CD2AP: variants seen among roughly 807,000 people sequenced by gnomAD.
CD2AP encodes CD2 associated protein, also known as CD2-associated protein.
In CD2AP, 46 loss-of-function variants were observed where a neutral mutation model predicts 85.1. That is an observed-to-expected ratio of 0.54 (90% CI 0.43 to 0.69). The LOEUF is 0.69. Ranked by LOEUF, CD2AP falls within the 30% of genes least tolerant of loss-of-function variation. The pLI is 0.00. For synonymous variants in CD2AP, 255 were observed against 252.9 expected (o/e 1.01, Z -0.08); for missense variants, 769 against 729.5 (o/e 1.05, Z -0.62).
intron 11 of CD2AP, among the ~76,000 whole-genome samples, chr6:47,588,596 A>T (rs1768692584): frequency 6.6e-6 from 1 of 152,138 alleles, no homozygotes; most frequent in Non-Finnish European, 1.5e-5. Context: ...GAAAATCCTT[A>T]TTGAAACTGA....
At chr6:47,610,700 T>G (rs2114151536) in intron 16 of CD2AP, among the ~76,000 whole-genome samples, 1 of 151,726 alleles carries the variant, frequency 6.6e-6, no homozygotes, top group South Asian at 2.1e-4. Flanking sequence ...TACATGATGG[T>G]ATTTCTTGGA....
intron 11 of CD2AP, among the ~76,000 whole-genome samples, chr6:47,588,815 A>T (rs1768698026): frequency 6.6e-6 from 1 of 152,142 alleles, no homozygotes. Context: ...TGTCCATTTG[A>T]CAGAAAAGAG....
chr6:47,483,468 A>G (rs1430842835), intron 1 of CD2AP, among the ~76,000 whole-genome samples: 4 of 152,156 alleles, frequency 2.6e-5, no homozygotes, highest in Non-Finnish European at 5.9e-5. Flanking sequence ...ACCTAGCCAC[A>G]GGGAAACAAA....
intron 5 of CD2AP, among the ~76,000 whole-genome samples, chr6:47,567,444 A>T (rs1168585418): frequency 6.6e-6 from 1 of 152,198 alleles, no homozygotes; most frequent in East Asian, 1.9e-4. Flanking sequence ...TCCTGGGAAT[A>T]CAGTGATCAG....
Position 47,579,425 on chromosome 6 carries a change from G to C in CD2AP, c.944G>C (p.Gly315Ala). The change falls in exon 9 of 18, where the codon GGT (glycine) becomes GCT (alanine). Residue 315 changes from glycine (G) to alanine (A), a missense_variant. Physicochemically the swap from Gly to Ala is moderately conservative, Grantham distance 60. Coordinates refer to ENST00000359314, the MANE Select transcript of CD2AP (RefSeq NM_012120.3). ...EAGWWRGELN[G>A]KEGVFPDNFA... is the part of the protein sequence containing the mutation. The stretch of plus-strand genomic sequence containing the variant: ...GGCTGGTGGAGGGGCGAACTTAATG[G>C]TAAAGAAGGAGTATTTCCAGACAAT... 3 of 1,613,310 alleles carry C rather than the reference G, an allele frequency of 1.9e-6. No individual in the cohort carries two copies. Among genetic ancestry groups the C allele is most frequent in the Non-Finnish European group, 2.5e-6 (3 of 1,179,432 alleles).
chr6:47,545,511 C>T lies in CD2AP; in HGVS notation c.420+805C>T, dbSNP rs994424169. On this transcript the variant is annotated intron_variant, in intron 4 of 17. Transcript: ENST00000359314. ...CCCCATACTACATAGCTGATGCTCT[C>T]TTGAAAGTGCCATCTCCCAGCAGGA... Among the ~76,000 whole-genome samples the T allele has an allele frequency of 3.9e-5, 6 of 152,278 alleles. No homozygotes were observed. In the East Asian group the frequency reaches 1.2e-3, roughly 29 times the overall value.
chr6:47,556,373 A>G (rs1767691028), intron 5 of CD2AP, among the ~76,000 whole-genome samples: 1 of 147,376 alleles, frequency 6.8e-6, no homozygotes, highest in African/African-American at 2.5e-5. Context: ...GACCCTCCAA[A>G]GGACATGAAC....
chr6:47,591,668 T>G (rs1768795750), intron 11 of CD2AP, among the ~76,000 whole-genome samples: 1 of 152,164 alleles, frequency 6.6e-6, no homozygotes, highest in South Asian at 2.1e-4. Flanking sequence ...TCATCTGAAT[T>G]AATAAATGGG....
rs776778555 is a variant in CD2AP, at chr6:47,503,302, CTA to C, written c.29_30del (p.Tyr10Ter). MVDYIVEYD[Y>X]DAVHDDELTI... is the part of the protein sequence containing the mutation. Reference sequence around the variant, plus strand: ...TAGTTGACTATATTGTGGAGTATGACTATGATGCTGTACATGATGATGAATTA... The same window carrying C: ...TAGTTGACTATATTGTGGAGTATGACTGATGCTGTACATGATGATGAATTA... On this transcript the variant is annotated frameshift_variant, in exon 2 of 18. Transcript: ENST00000359314. LOFTEE classifies it high-confidence loss of function. 5 of 1,613,594 alleles carry C rather than the reference CTA, an allele frequency of 3.1e-6. No individual in the cohort carries two copies. Among genetic ancestry groups the C allele is most frequent in the Non-Finnish European group, 4.2e-6 (5 of 1,179,774 alleles).
At chr6:47,511,450 C>G (rs974080165) in intron 2 of CD2AP, among the ~76,000 whole-genome samples, 2 of 152,062 alleles carry the variant, frequency 1.3e-5, no homozygotes, top group Admixed American at 1.3e-4. Flanking sequence ...GATTCTGGAA[C>G]AGAAAAAGGA....
At chr6:47,545,962 A>C (rs1767355655) in intron 4 of CD2AP, among the ~76,000 whole-genome samples, 1 of 152,312 alleles carries the variant, frequency 6.6e-6, no homozygotes, top group Admixed American at 6.5e-5. Flanking sequence ...ACCATTCCCC[A>C]AAAATCACAC....
At chr6:47,565,246 A>G (rs1308913164) in intron 5 of CD2AP, among the ~76,000 whole-genome samples, 1 of 152,154 alleles carries the variant, frequency 6.6e-6, no homozygotes, top group Non-Finnish European at 1.5e-5. Flanking sequence ...AAAGTCCAAG[A>G]TAAATTTCTT....
At chr6:47,527,781 A>C (rs2114016206) in intron 2 of CD2AP, among the ~76,000 whole-genome samples, 1 of 152,306 alleles carries the variant, frequency 6.6e-6, no homozygotes, top group African/African-American at 2.4e-5. Context: ...TGCTTGTGCC[A>C]GTGGCCCTGC....
chr6:47,613,240 C>T (rs1769495732), intron 17 of CD2AP, among the ~76,000 whole-genome samples: 1 of 152,170 alleles, frequency 6.6e-6, no homozygotes, highest in South Asian at 2.1e-4. Context: ...CTCATGGCAT[C>T]TAAACTGATG....
At chr6:47,546,809 C>CT (rs1215736520) in intron 4 of CD2AP, among the ~76,000 whole-genome samples, 1 of 152,166 alleles carries the variant, frequency 6.6e-6, no homozygotes, top group Non-Finnish European at 1.5e-5. Flanking sequence ...AAAGGACAGT[C>CT]TATCAAATTA....
At chr6:47,496,211 T>C (rs1028288899) in intron 1 of CD2AP, among the ~76,000 whole-genome samples, 8 of 152,182 alleles carry the variant, frequency 5.3e-5, no homozygotes, top group Admixed American at 1.3e-4. Flanking sequence ...TTTCTTCTTT[T>C]TTAAAGGATA....
At chr6:47,603,116 A>G (rs909543302) in intron 13 of CD2AP, among the ~76,000 whole-genome samples, 3 of 152,058 alleles carry the variant, frequency 2.0e-5, no homozygotes, top group Non-Finnish European at 2.9e-5. Context: ...AGCATATACT[A>G]TAAAAAGTGA....
chr6:47,528,084 A>G (rs1413369567), intron 2 of CD2AP, among the ~76,000 whole-genome samples: 1 of 152,168 alleles, frequency 6.6e-6, no homozygotes, highest in Non-Finnish European at 1.5e-5. Context: ...CAGATATATC[A>G]TTCTTTAATG....
chr6:47,624,209 A>G lies in CD2AP; in HGVS notation c.1902A>G (p.Lys634=). ...NLEMEIEKLK[K]AVLSS is the part of the protein sequence containing the mutation. ...AGATGGAAATAGAGAAGCTGAAAAA[A>G]GCTGTCCTGTCTTCTTGAGTGGTGT... The change falls in exon 18 of 18, where the codon AAA becomes AAG. Residue 634 remains lysine (K), a synonymous_variant. Coordinates refer to ENST00000359314, the MANE Select transcript of CD2AP (RefSeq NM_012120.3). 6.2e-7 allele frequency: 1 copy of G among 1,612,536 alleles called. No homozygotes were observed.
Sources: allele counts gnomAD v4.1 joint callset (sites outside exome capture counted in the v4.1 genomes callset), GRCh38; gene constraint gnomAD v4.1.1; transcripts MANE v1.5; gene names NCBI Gene and HGNC (gene_info 2026-07-23, HGNC 2026-07-21).